Variants in IL1RAP observed in about 807,000 individuals in gnomAD.
IL1RAP encodes the protein interleukin-1 receptor accessory protein.
A neutral mutation model predicts 60.7 loss-of-function variants in IL1RAP; 35 were observed. The ratio of observed to expected loss-of-function variants is 0.58; its 90% confidence interval spans 0.44 to 0.76. The LOEUF is 0.76. IL1RAP is among the 30% of genes least tolerant of loss of function. The pLI, the probability that IL1RAP is intolerant of heterozygous loss-of-function variation, is 0.00. For synonymous variants in IL1RAP, 268 were observed against 250.9 expected, an observed-to-expected ratio of 1.07 and a Z score of -0.64; for missense variants, 572 against 693.9, an observed-to-expected ratio of 0.82 and a Z score of 1.97.
intron 1 of IL1RAP, among the ~76,000 whole-genome samples, chr3:190,525,005 T>C (rs1313085007): frequency 6.6e-6 from 1 of 152,150 alleles, no homozygotes; most frequent in East Asian, 1.9e-4. Flanking sequence ...TATATGTGTG[T>C]ACATGTATAT....
intron 3 of IL1RAP, among the ~76,000 whole-genome samples, chr3:190,567,629 A>T (rs73886479): frequency 0.14 from 20,902 of 152,124 alleles, 1,912 homozygotes; most frequent in African/African-American, 0.26. Flanking sequence ...ATAAATTACT[A>T]AGAAAAAAGA....
intron 11 of IL1RAP, among the ~76,000 whole-genome samples, chr3:190,646,689 G>A (rs942715371): frequency 1.3e-5 from 2 of 152,036 alleles, no homozygotes; most frequent in Admixed American, 1.3e-4. Flanking sequence ...CTAATCATAA[G>A]CAAGACAAAC....
At chr3:190,576,256 G>T (rs949200697) in intron 3 of IL1RAP, among the ~76,000 whole-genome samples, 3 of 152,098 alleles carry the variant, frequency 2.0e-5, no homozygotes, top group African/African-American at 7.2e-5. Context: ...TGACATAATT[G>T]ACTACATAAA....
At chr3:190,633,383 G>A (rs1437277253) in intron 9 of IL1RAP, among the ~76,000 whole-genome samples, 1 of 151,734 alleles carries the variant, frequency 6.6e-6, no homozygotes, top group African/African-American at 2.4e-5. Flanking sequence ...TTTTGAGACA[G>A]AGTCTCACTG....
At chr3:190,549,149 G>T (rs1027568176) in intron 1 of IL1RAP, among the ~76,000 whole-genome samples, 2 of 152,120 alleles carry the variant, frequency 1.3e-5, no homozygotes, top group Admixed American at 1.3e-4. Context: ...CCTGTTAGGA[G>T]GCTTCCCGCC....
intron 3 of IL1RAP, among the ~76,000 whole-genome samples, chr3:190,571,390 C>T (rs1726909295): frequency 6.6e-6 from 1 of 151,960 alleles, no homozygotes; most frequent in South Asian, 2.1e-4. Flanking sequence ...GTGATGCACA[C>T]CTGTAGTCCC....
chr3:190,609,107 A>G lies in IL1RAP; in HGVS notation c.463A>G (p.Ile155Val). 8 of 1,613,092 alleles carry G rather than the reference A, an allele frequency of 5.0e-6. No individual in the cohort carries two copies. In the South Asian group the frequency reaches 8.8e-5, roughly 18 times the overall value. ...PVHKLYIEYG[I>V]QRITCPNVDG... is the part of the protein sequence containing the mutation. The stretch of plus-strand genomic sequence containing the variant: ...GCATAAACTGTATATAGAATATGGC[A>G]TTCAGAGGATCACTTGTCCAAATGT... Residue 155 changes from isoleucine to valine, a missense_variant, in exon 5 of 12, where the codon ATT becomes GTT. Coordinates refer to ENST00000447382, the MANE Select transcript of IL1RAP (RefSeq NM_002182.4).
At chr3:190,572,167 C>T (rs1323609766) in intron 3 of IL1RAP, among the ~76,000 whole-genome samples, 1 of 152,022 alleles carries the variant, frequency 6.6e-6, no homozygotes, top group Non-Finnish European at 1.5e-5. Context: ...CCTTCTCTAG[C>T]GTTTGGGACT....
At chr3:190,656,472 G>A (rs1734623704), downstream of IL1RAP, 2 of 1,537,254 alleles carry the variant, frequency 1.3e-6, no homozygotes, top group East Asian at 2.4e-5. Context: ...ACCTCTGTAA[G>A]CCTGTTCCCC....
In IL1RAP at chr3:190,648,384, C is replaced by T. The variant is rs757865369; in HGVS notation, c.1392C>T (p.Leu464=). The part of the protein sequence containing the change: ...TLSFIQKSRR[L]LVVLSPNYVL... ...GCTTCATTCAGAAAAGCAGACGCCTCCTGGTTGTTCTAAGCCCCAACTACG... is the reference window on the plus strand; with the variant it reads ...GCTTCATTCAGAAAAGCAGACGCCTTCTGGTTGTTCTAAGCCCCAACTACG... Residue 464 remains leucine, a synonymous_variant, in exon 12 of 12, where the codon CTC becomes CTT. Coordinates refer to ENST00000447382, the MANE Select transcript of IL1RAP (RefSeq NM_002182.4). The T allele has an allele frequency of 2.5e-6, 4 of 1,608,852 alleles. No individual in the cohort carries two copies. The highest frequency in any genetic ancestry group is 3.4e-6 in the Non-Finnish European group (4 of 1,178,648).
At chr3:190,606,501 C>T (rs935824231) in intron 4 of IL1RAP, among the ~76,000 whole-genome samples, 1 of 152,222 alleles carries the variant, frequency 6.6e-6, no homozygotes. Flanking sequence ...CTATGGTCTC[C>T]ACTGTGTATC....
chr3:190,533,320 G>A (rs922535512), intron 1 of IL1RAP, among the ~76,000 whole-genome samples: 1 of 152,162 alleles, frequency 6.6e-6, no homozygotes, highest in African/African-American at 2.4e-5. Context: ...CATCTAGTTG[G>A]CAAGGATGTC....
At chr3:190,656,647 C>T (rs1345887202) in exon 12 of IL1RAP, 6 of 1,181,160 alleles carry the variant, frequency 5.1e-6, no homozygotes, top group South Asian at 1.6e-5. Flanking sequence ...TCTCTACCAA[C>T]CCTCTGTATG....
rs1225300937 is a variant in IL1RAP at position 190,619,896 on chromosome 3, TAAAAAG to T, written c.538-370_538-365del. Among the ~76,000 whole-genome samples, 3 of 152,102 alleles carry T rather than the reference TAAAAAG, an allele frequency of 2.0e-5. No individual in the cohort carries two copies. In the South Asian group the frequency reaches 6.2e-4, roughly 31 times the overall value. On this transcript the variant is annotated intron_variant, in intron 5 of 11. Coordinates refer to ENST00000447382, the MANE Select transcript of IL1RAP (RefSeq NM_002182.4). ...TAATATAATCAGTGAAGAAATATTA[TAAAAAG>T]AAAAAGAATTGCTTTCTAAATAGCA...
chr3:190,651,824 C>T (rs1343644436), downstream of IL1RAP, among the ~76,000 whole-genome samples: 1 of 151,398 alleles, frequency 6.6e-6, no homozygotes, highest in African/African-American at 2.4e-5. Context: ...TGCAGAGAGA[C>T]AGAAAGACTG....
chr3:190,609,653 T>C (rs1446597250), intron 5 of IL1RAP, among the ~76,000 whole-genome samples: 1 of 152,184 alleles, frequency 6.6e-6, no homozygotes, highest in East Asian at 1.9e-4. Context: ...TTCATCAAAA[T>C]ATAAAAGTGT....
intron 2 of IL1RAP, among the ~76,000 whole-genome samples, chr3:190,556,627 C>G (rs1725451518): frequency 6.6e-6 from 1 of 152,172 alleles, no homozygotes; most frequent in African/African-American, 2.4e-5. Context: ...GACTTGACAA[C>G]TAAAACTATC....
intron 2 of IL1RAP, among the ~76,000 whole-genome samples, chr3:190,560,781 A>G (rs190100190): frequency 1.5e-3 from 226 of 152,314 alleles, no homozygotes; most frequent in African/African-American, 5.2e-3. Context: ...TGCAGACGAT[A>G]AAAAGTTTCA....
intron 3 of IL1RAP, among the ~76,000 whole-genome samples, chr3:190,590,198 A>T: frequency 6.6e-6 from 1 of 151,546 alleles, no homozygotes; most frequent in Non-Finnish European, 1.5e-5. Flanking sequence ...ATTTTGTGAC[A>T]TATATTTGTG....
Sources: gnomAD v4.1 joint callset for allele counts (sites outside exome capture counted in the v4.1 genomes callset) on GRCh38, gnomAD v4.1.1 for gene constraint, MANE v1.5 for transcripts, NCBI Gene and HGNC (gene_info 2026-07-23, HGNC 2026-07-21) for gene names.